Variants in ST6GALNAC5 observed in about 807,000 individuals in gnomAD.
The protein encoded by ST6GALNAC5 is alpha-N-acetylgalactosaminide alpha-2,6-sialyltransferase 5.
A neutral mutation model predicts 33.6 loss-of-function variants in ST6GALNAC5; 27 were observed. The ratio of observed to expected loss-of-function variants is 0.80; its 90% CI spans 0.59 to 1.11. The LOEUF (loss-of-function observed/expected upper bound fraction) is 1.11. ST6GALNAC5 is among the 50% of genes least tolerant of loss of function. ST6GALNAC5 has a pLI of 0.00. For synonymous variants in ST6GALNAC5, 194 were observed against 171.2 expected, an observed-to-expected ratio of 1.13 and a Z score of -1.04; for missense variants, 428 against 454.0, an observed-to-expected ratio of 0.94 and a Z score of 0.52.
At chr1:76,883,243 A>G (rs1331340339) in intron 2 of ST6GALNAC5, among the ~76,000 whole-genome samples, 1 of 152,204 alleles carries the variant, frequency 6.6e-6, no homozygotes, top group Admixed American at 6.5e-5. Flanking sequence ...TATCTTACAC[A>G]TGCTTCTGAT....
At chr1:77,039,668 A>C (rs1238179683) in intron 2 of ST6GALNAC5, among the ~76,000 whole-genome samples, 2 of 152,244 alleles carry the variant, frequency 1.3e-5, no homozygotes, top group Admixed American at 1.3e-4. Context: ...TCAGGATGGA[A>C]GAGAGACTAC....
intron 2 of ST6GALNAC5, among the ~76,000 whole-genome samples, chr1:76,934,050 C>A (rs1429982997): frequency 6.6e-6 from 1 of 151,978 alleles, no homozygotes; most frequent in Admixed American, 6.6e-5. Context: ...TGGTTCTGAA[C>A]TTTGTGTTTT....
At chr1:76,990,885 C>T (rs938490710) in intron 2 of ST6GALNAC5, among the ~76,000 whole-genome samples, 4 of 152,082 alleles carry the variant, frequency 2.6e-5, no homozygotes, top group African/African-American at 9.7e-5. Flanking sequence ...GGCAGAGAGC[C>T]TTTACCATTT....
chr1:77,067,439 T>C lies in ST6GALNAC5; in HGVS notation c.*4233T>C, dbSNP rs990765988. ...TTAGTCTAATTAGATTGTAAGCTCC[T>C]TGAGGGCAGAGACTCTTTCTCCTTT... On this transcript the variant is annotated 3_prime_UTR_variant, in exon 5 of 5. Coordinates refer to ENST00000477717, the MANE Select transcript of ST6GALNAC5 (RefSeq NM_030965.3). Among the ~76,000 whole-genome samples, 1 of 152,208 alleles carries C rather than the reference T, an allele frequency of 6.6e-6. No homozygotes were observed. Among genetic ancestry groups the C allele is most frequent in the Non-Finnish European group, 1.5e-5 (1 of 68,034 alleles).
chr1:77,040,741 G>T (rs563968007), intron 2 of ST6GALNAC5, among the ~76,000 whole-genome samples: 1 of 152,172 alleles, frequency 6.6e-6, no homozygotes, highest in Non-Finnish European at 1.5e-5. Flanking sequence ...TAAAATTACA[G>T]ATCCAACCGG....
chr1:77,020,783 T>G (rs868436483), intron 2 of ST6GALNAC5, among the ~76,000 whole-genome samples: 1 of 152,208 alleles, frequency 6.6e-6, no homozygotes, highest in African/African-American at 2.4e-5. Context: ...TCTCTCAGAA[T>G]TCTGAAATTT....
At chr1:77,045,525 A>G (rs1361301891) in intron 3 of ST6GALNAC5, among the ~76,000 whole-genome samples, 2 of 152,240 alleles carry the variant, frequency 1.3e-5, no homozygotes, top group African/African-American at 2.4e-5. Flanking sequence ...GTGTGTCTCA[A>G]TCATGATGTA....
At chr1:77,036,983 G>T (rs1474521607) in intron 2 of ST6GALNAC5, among the ~76,000 whole-genome samples, 3 of 152,164 alleles carry the variant, frequency 2.0e-5, no homozygotes, top group Non-Finnish European at 4.4e-5. Flanking sequence ...GGCGGTCTGA[G>T]GTAACACGTG....
chr1:76,945,079 T>C (rs1464483514), intron 2 of ST6GALNAC5, among the ~76,000 whole-genome samples: 6 of 152,068 alleles, frequency 3.9e-5, no homozygotes, highest in African/African-American at 1.4e-4. Context: ...AAAATGGCTT[T>C]GGAGTGTGGC....
At chr1:77,031,430 C>A (rs1570116689) in intron 2 of ST6GALNAC5, among the ~76,000 whole-genome samples, 1 of 152,180 alleles carries the variant, frequency 6.6e-6, no homozygotes, top group East Asian at 1.9e-4. Context: ...AGCTTGAGAA[C>A]CAGAGCATCA....
intron 2 of ST6GALNAC5, among the ~76,000 whole-genome samples, chr1:76,900,706 A>C (rs111415699): frequency 0.018 from 2,761 of 152,326 alleles, 84 homozygotes; most frequent in African/African-American, 0.062. Context: ...ATTATCTTTT[A>C]AAATTTTTCA....
intron 2 of ST6GALNAC5, among the ~76,000 whole-genome samples, chr1:76,975,893 C>T (rs1648990281): frequency 6.6e-6 from 1 of 151,960 alleles, no homozygotes; most frequent in African/African-American, 2.4e-5. Flanking sequence ...TCAGGAGTTC[C>T]AGACCAGCCT....
rs1372169067 is a variant in ST6GALNAC5, at chr1:76,982,949, G to A, written c.262-61255G>A. Among the ~76,000 whole-genome samples the A allele has an allele frequency of 5.9e-5, 9 of 151,848 alleles. 1 individual carries two copies. In the East Asian group the frequency reaches 5.9e-4, roughly 10 times the overall value. On this transcript the variant is annotated intron_variant, in intron 2 of 4. Coordinates refer to ENST00000477717, the MANE Select transcript of ST6GALNAC5 (RefSeq NM_030965.3). ...GAAGGAGAAATAAAATCCTTTACAG[G>A]CAAGCAAATGCTGAGAGATTTTGTC...
intron 2 of ST6GALNAC5, among the ~76,000 whole-genome samples, chr1:76,928,096 T>C (rs1647102651): frequency 6.6e-6 from 1 of 152,258 alleles, no homozygotes; most frequent in Non-Finnish European, 1.5e-5. Flanking sequence ...GACTTCATGT[T>C]ACTTTGCTGT....
chr1:77,006,136 G>GCTT (rs1650404293), intron 2 of ST6GALNAC5, among the ~76,000 whole-genome samples: 4 of 151,392 alleles, frequency 2.6e-5, no homozygotes, highest in Non-Finnish European at 1.5e-5. Flanking sequence ...GAAATGTGTA[G>GCTT]TTTTTTTTGT....
At chr1:76,987,292 C>T (rs1380033447) in intron 2 of ST6GALNAC5, among the ~76,000 whole-genome samples, 3 of 152,118 alleles carry the variant, frequency 2.0e-5, no homozygotes, top group African/African-American at 4.8e-5. Flanking sequence ...TTTCAACCAA[C>T]ATTTCTCCAA....
chr1:77,003,950 G>C (rs1315221863), intron 2 of ST6GALNAC5, among the ~76,000 whole-genome samples: 1 of 117,896 alleles, frequency 8.5e-6, no homozygotes, highest in Non-Finnish European at 1.8e-5. Context: ...CAACTTTGGT[G>C]AATCTGACAA....
At chr1:77,004,151 T>C (rs968718110) in intron 2 of ST6GALNAC5, among the ~76,000 whole-genome samples, 22 of 151,862 alleles carry the variant, frequency 1.4e-4, no homozygotes, top group African/African-American at 5.1e-4. Flanking sequence ...GATTTGGTCT[T>C]TTCACATAGT....
Position 77,026,791 on chromosome 1 carries a change from CTGAATGAATGAATGAA to C in ST6GALNAC5, c.262-17380_262-17365del, listed in dbSNP as rs58272106. Among the ~76,000 whole-genome samples, 93 of 149,302 alleles carry C rather than the reference CTGAATGAATGAATGAA, an allele frequency of 6.2e-4. No individual in the cohort carries two copies. In the South Asian group the frequency reaches 0.01, roughly 16 times the overall value. On this transcript the variant is annotated intron_variant, in intron 2 of 4. Transcript: ENST00000477717. ...ATAGTGGACCACTAAAGAACACTTT[CTGAATGAATGAATGAA>C]TGAATGAATGAATGAATGAATGAAT... is the stretch of plus-strand genomic sequence containing the variant.
Sources: gnomAD v4.1 joint callset for allele counts (sites outside exome capture counted in the v4.1 genomes callset) on GRCh38, gnomAD v4.1.1 for gene constraint, MANE v1.5 for transcripts, NCBI Gene and HGNC (gene_info 2026-07-23, HGNC 2026-07-21) for gene names.